EYS: variants seen among roughly 807,000 people sequenced by gnomAD.
The protein encoded by EYS is EGF-like photoreceptor maintenance factor.
Under a neutral mutation model 282.1 loss-of-function variants are expected in EYS, and 250 were observed. That is an observed-to-expected ratio of 0.89 (90% CI 0.80 to 0.98). The LOEUF (loss-of-function observed/expected upper bound fraction) is 0.98, where lower values mean the gene tolerates loss of function less well. Ranked by LOEUF, EYS falls within the 50% of genes least tolerant of loss-of-function variation. EYS has a pLI of 0.00. For synonymous variants in EYS, 1,355 were observed against 1,282.9 expected (o/e 1.06, Z -1.20); for missense variants, 4,016 against 3,709.0 (o/e 1.08, Z -2.15).
At chr6:65,275,280 G>C (rs1224249657) in intron 12 of EYS, among the ~76,000 whole-genome samples, 3 of 152,196 alleles carry the variant, frequency 2.0e-5, no homozygotes, top group Non-Finnish European at 2.9e-5. Context: ...CTGGACCTTA[G>C]TCGGAACTGA....
intron 26 of EYS, among the ~76,000 whole-genome samples, chr6:64,525,199 A>G (rs1183455648): frequency 6.6e-6 from 1 of 151,858 alleles, no homozygotes; most frequent in Non-Finnish European, 1.5e-5. Context: ...AATCTAAATC[A>G]TTCCACCATG....
At chr6:65,704,265 C>A (rs1483896378) in intron 1 of EYS, among the ~76,000 whole-genome samples, 2 of 152,262 alleles carry the variant, frequency 1.3e-5, no homozygotes, top group East Asian at 3.9e-4. Context: ...TAAGCTTCAA[C>A]TCAACTAGAT....
chr6:64,473,014 C>A (rs753275613), intron 26 of EYS, among the ~76,000 whole-genome samples: 1 of 152,076 alleles, frequency 6.6e-6, no homozygotes, highest in Non-Finnish European at 1.5e-5. Flanking sequence ...CAGCTTTGAT[C>A]TTTCATTTAT....
chr6:65,636,386 C>G (rs1005187919), intron 2 of EYS, among the ~76,000 whole-genome samples: 1 of 152,104 alleles, frequency 6.6e-6, no homozygotes, highest in Admixed American at 6.5e-5. Flanking sequence ...GCTTGTCTTC[C>G]TGAACATGCC....
chr6:65,340,795 A>G (rs1012063589), intron 10 of EYS, among the ~76,000 whole-genome samples: 14 of 151,178 alleles, frequency 9.3e-5, no homozygotes, highest in African/African-American at 2.9e-4. Context: ...CTCCATCACC[A>G]GAATAGTCTG....
intron 29 of EYS, among the ~76,000 whole-genome samples, chr6:64,311,464 A>G (rs374576515): frequency 6.8e-4 from 103 of 152,286 alleles, no homozygotes; most frequent in African/African-American, 2.5e-3. Flanking sequence ...AGGACAAATA[A>G]CTCCTGGTTA....
chr6:64,717,699 A>T (rs1238539244), intron 22 of EYS, among the ~76,000 whole-genome samples: 4 of 152,186 alleles, frequency 2.6e-5, no homozygotes, highest in Non-Finnish European at 5.9e-5. Context: ...GTATCAAACC[A>T]AAGTCCATAC....
intron 1 of EYS, among the ~76,000 whole-genome samples, chr6:65,642,433 C>T (rs985271665): frequency 6.6e-6 from 1 of 152,104 alleles, no homozygotes; most frequent in African/African-American, 2.4e-5. Context: ...GGGGGCATTA[C>T]TTGTCCTCAG....
intron 19 of EYS, among the ~76,000 whole-genome samples, chr6:64,843,530 C>A (rs1201745994): frequency 6.6e-5 from 10 of 152,222 alleles, no homozygotes; most frequent in African/African-American, 2.4e-4. Context: ...TAGAATTTTA[C>A]TGCCCCGCTG....
At chr6:64,868,701 G>A (rs141303432) in intron 19 of EYS, among the ~76,000 whole-genome samples, 2 of 151,362 alleles carry the variant, frequency 1.3e-5, no homozygotes, top group Admixed American at 6.6e-5. Context: ...TCAAAGATGG[G>A]GGAGAATACT....
rs111540496 is a variant in EYS at position 65,139,005 on chromosome 6, C to T, written c.2024-81278G>A. On this transcript the variant is annotated intron_variant, in intron 12 of 42. Coordinates refer to ENST00000503581, the MANE Select transcript of EYS (RefSeq NM_001142800.2). ...TAGTGGGAATGTAAACTAGTTCAGC[C>T]ATTGTGGAAAGCATTCTGGAGATTT... Among the ~76,000 whole-genome samples the T allele has an allele frequency of 4.7e-3, 715 of 152,168 alleles. 5 individuals carry two copies. Among genetic ancestry groups the T allele is most frequent in the African/African-American group, 0.015 (631 of 41,536 alleles).
intron 14 of EYS, among the ~76,000 whole-genome samples, chr6:64,991,540 C>A (rs934093234): frequency 2.0e-5 from 3 of 151,462 alleles, no homozygotes; most frequent in East Asian, 1.9e-4. Context: ...AACATTATAT[C>A]CAGCCTCTAA....
chr6:64,007,484 A>G (rs1768406824), intron 33 of EYS, among the ~76,000 whole-genome samples: 1 of 148,554 alleles, frequency 6.7e-6, no homozygotes, highest in Non-Finnish European at 1.5e-5. Context: ...TTACATCTCA[A>G]TTTCCTTCAG....
chr6:64,850,675 C>G (rs1001674493), intron 19 of EYS, among the ~76,000 whole-genome samples: 8 of 151,894 alleles, frequency 5.3e-5, no homozygotes, highest in Non-Finnish European at 8.8e-5. Flanking sequence ...TAATTGAAAG[C>G]CACTAAAGTT....
intron 2 of EYS, among the ~76,000 whole-genome samples, chr6:65,554,399 C>T (rs958435164): frequency 1.3e-5 from 2 of 152,046 alleles, no homozygotes; most frequent in African/African-American, 4.8e-5. Context: ...TCTCAACCTC[C>T]TTCTTTATTT....
intron 31 of EYS, among the ~76,000 whole-genome samples, chr6:64,174,953 G>A (rs1470526890): frequency 3.3e-5 from 5 of 151,924 alleles, no homozygotes; most frequent in Admixed American, 2.0e-4. Flanking sequence ...GACTAAAGAA[G>A]GTAATCTTTG....
At chr6:65,154,189 C>T (rs1213522434) in intron 12 of EYS, among the ~76,000 whole-genome samples, 5 of 151,472 alleles carry the variant, frequency 3.3e-5, no homozygotes, top group Admixed American at 1.3e-4. Context: ...TCATGTGATT[C>T]GATAATTCAT....
chr6:65,569,107 AAAG>A (rs1229801639), intron 2 of EYS, among the ~76,000 whole-genome samples: 5 of 152,156 alleles, frequency 3.3e-5, no homozygotes, highest in Non-Finnish European at 7.4e-5. Flanking sequence ...AAGAATGACA[AAAG>A]AAGTGAAAAT....
chr6:64,427,914 T>C lies in EYS; in HGVS notation c.5927+8260A>G, dbSNP rs149700567. Reference sequence around the variant, plus strand: ...TTTCTGAAATAATGATTATTCTAAATGTTTCTCAAAAGTGAGTTTACCTCC... The same window carrying C: ...TTTCTGAAATAATGATTATTCTAAACGTTTCTCAAAAGTGAGTTTACCTCC... On this transcript the variant is annotated intron_variant, in intron 28 of 42. Coordinates refer to ENST00000503581, the MANE Select transcript of EYS (RefSeq NM_001142800.2). Among the ~76,000 whole-genome samples the C allele has an allele frequency of 2.8e-3, 419 of 152,278 alleles. 2 individuals are homozygous for C. Among genetic ancestry groups the C allele is most frequent in the Non-Finnish European group, 4.2e-3 (287 of 67,964 alleles).
Sources: allele counts gnomAD v4.1 joint callset (sites outside exome capture counted in the v4.1 genomes callset), GRCh38; gene constraint gnomAD v4.1.1; transcripts MANE v1.5; gene names NCBI Gene and HGNC (gene_info 2026-07-23, HGNC 2026-07-21).